Variants in A2ML1 observed in about 807,000 individuals in gnomAD.
A2ML1 encodes the protein alpha-2-macroglobulin like 1, also known as alpha-2-macroglobulin-like protein 1.
A neutral mutation model predicts 181.9 loss-of-function variants in A2ML1; 161 were observed. The ratio of observed to expected loss-of-function variants is 0.89; its 90% CI spans 0.78 to 1.01. The LOEUF is 1.01. Among genes scored for constraint, A2ML1 ranks in the 50% least tolerant of loss-of-function variants. The pLI, the probability that A2ML1 is intolerant of heterozygous loss-of-function variation, is 0.00. For missense variants in A2ML1, 1,670 were observed against 1,768.1 expected (o/e 0.94, Z 1.00); for synonymous variants, 663 against 666.8 (o/e 0.99, Z 0.09).
At chr12:8,828,915 CTG>C (rs1265849808) in intron 3 of A2ML1, among the ~76,000 whole-genome samples, 1 of 152,204 alleles carries the variant, frequency 6.6e-6, no homozygotes, top group Non-Finnish European at 1.5e-5. Flanking sequence ...GTGCTTTCCC[CTG>C]TGATTGGGCA....
chr12:8,861,170 G>A lies in A2ML1; in HGVS notation c.3375G>A (p.Lys1125=). 6.2e-7 allele frequency: 1 copy of A among 1,614,014 alleles called. No individual in the cohort carries two copies. Among genetic ancestry groups the A allele is most frequent in the Non-Finnish European group, 8.5e-7 (1 of 1,180,018 alleles). ...TGAGTCAGGGTCTACGGTGTCTCAA[G>A]AATTCGGCCACCTCCACGACCAACC... ...PMVSQGLRCL[K]NSATSTTNLY... The change falls in exon 28 of 36, where the codon AAG becomes AAA. Residue 1125 remains lysine, a synonymous_variant. Coordinates refer to ENST00000299698, the MANE Select transcript of A2ML1 (RefSeq NM_144670.6).
chr12:8,884,245 TG>T (rs200878954), intron 7 of A2ML1, among the ~76,000 whole-genome samples: 8,023 of 141,180 alleles, frequency 0.057, 346 homozygotes, highest in East Asian at 0.14. Context: ...TTTTTTGTTT[TG>T]TTTTTTTTTA....
In A2ML1 at chr12:8,839,213, C is replaced by G; in HGVS notation, c.1071C>G (p.Phe357Leu). The change falls in exon 10 of 36, where the codon TTC becomes TTG. Residue 357 changes from phenylalanine to leucine, a missense_variant. Coordinates refer to ENST00000299698, the MANE Select transcript of A2ML1 (RefSeq NM_144670.6). ...TSNFYHPNFP[F>L]SGKIRVRGHD... ...ATTTTTACCATCCAAATTTCCCCTT[C>G]AGTGGGAAGGTATGTTAAAACTTTT... 1 of 1,611,766 alleles carries G rather than the reference C, an allele frequency of 6.2e-7. No individual in the cohort carries two copies. The highest frequency in any genetic ancestry group is 8.5e-7 in the Non-Finnish European group (1 of 1,178,220).
chr12:8,885,377 A>G (rs1452432674), intron 7 of A2ML1, among the ~76,000 whole-genome samples: 1 of 152,146 alleles, frequency 6.6e-6, no homozygotes, highest in East Asian at 1.9e-4. Context: ...CAAAATCAAA[A>G]TAAAGAGAAA....
intron 12 of A2ML1, chr12:8,845,161 G>A (rs1242093262): frequency 8.0e-6 from 12 of 1,497,604 alleles, no homozygotes; most frequent in Non-Finnish European, 1.1e-5. Context: ...AGAAATGGCA[G>A]ACAGTTATCT....
At chr12:8,884,286 G>A (rs1456617140) in intron 7 of A2ML1, among the ~76,000 whole-genome samples, 1 of 79,428 alleles carries the variant, frequency 1.3e-5, no homozygotes, top group Non-Finnish European at 2.6e-5. Flanking sequence ...ACTTTTATTT[G>A]AGGTTTGGGG....
chr12:8,846,333 T>C (rs1943686302), intron 14 of A2ML1, 111 bp downstream of exon 14: 7 of 1,228,662 alleles, frequency 5.7e-6, no homozygotes, highest in Non-Finnish European at 8.2e-6. Flanking sequence ...GTGTTGACGT[T>C]GGATGTTGTA....
Position 8,849,604 on chromosome 12 carries a change from T to C in A2ML1, c.2029-65T>C. ...TTCAACTCTTTGATGGTGGAATTCC[T>C]GGGCAGTAGCCCTTGTAGTTGGGGA... On this transcript the variant is annotated intron_variant, in intron 16 of 35. Coordinates refer to ENST00000299698, the MANE Select transcript of A2ML1 (RefSeq NM_144670.6). The C allele has an allele frequency of 3.9e-6, 5 of 1,280,084 alleles. 1 individual carries two copies. Among genetic ancestry groups the C allele is most frequent in the Non-Finnish European group, 5.6e-6 (5 of 887,214 alleles). 79.3% of individuals were successfully genotyped at this position (1,280,084 alleles called of 1,614,324 possible). A position where few individuals can be genotyped will look rare whatever the true frequency, so the allele number is the denominator to read the frequency against.
chr12:8,874,720 G>GA (rs1263383971), intron 34 of A2ML1, among the ~76,000 whole-genome samples, 193 bp downstream of exon 34: 1 of 152,062 alleles, frequency 6.6e-6, no homozygotes, highest in East Asian at 1.9e-4. Flanking sequence ...GCGTACACTA[G>GA]AGACATTTTA....
rs1943892228 is a variant in A2ML1 at position 8,851,662 on chromosome 12, TCTCAAAGAGCTG to T, written c.2235-121_2235-110del. 3.4e-6 allele frequency: 3 copies of T among 892,246 alleles called. No individual in the cohort carries two copies. The Admixed American group carries it at 6.4e-5, about 19-fold the overall frequency. The allele number at this position is 892,246 out of a possible 1,614,324, so 55.3% of individuals were successfully genotyped here. On this transcript the variant is annotated intron_variant, in intron 18 of 35. Transcript: ENST00000299698. ...CTGAAGCTATCTGCTCACCTCAGCC[TCTCAAAGAGCTG>T]GGATTACAAGTGTAAGCCAGCACAC...
At position 8,854,145 on chromosome 12, in the gene A2ML1, A is replaced by G. The variant is rs1943981721; in HGVS notation, c.2608A>G (p.Ile870Val). 2.5e-6 allele frequency: 4 copies of G among 1,599,438 alleles called. No homozygotes were observed. Among genetic ancestry groups the G allele is most frequent in the African/African-American group, 1.3e-5 (1 of 74,732 alleles). Residue 870 changes from isoleucine (I) to valine (V), a missense_variant, in exon 21 of 36, where the codon ATT (isoleucine) becomes GTT (valine). By Grantham distance (29) the Ile-to-Val change is conservative. Coordinates refer to ENST00000299698, the MANE Select transcript of A2ML1 (RefSeq NM_144670.6). ...TCTCTCAGGTCACATTAACTTTACT[A>G]TTAGTACAAAGATTCTGGACAGCAA... ...AVKLGHINFT[I>V]STKILDSNEP... is the part of the protein sequence containing the mutation.
At chr12:8,854,747 T>G in intron 21 of A2ML1, 33 bp from the exon 22 acceptor site, 1 of 1,613,298 alleles carries the variant, frequency 6.2e-7, no homozygotes, top group Non-Finnish European at 8.5e-7. Flanking sequence ...TGTTCATCTT[T>G]GTTGTTTTTA....
downstream of A2ML1, among the ~76,000 whole-genome samples, chr12:8,877,796 A>G (rs1388748767): frequency 2.0e-5 from 3 of 152,244 alleles, no homozygotes; most frequent in African/African-American, 7.2e-5. Flanking sequence ...AAGAATTAAA[A>G]ATAGAATTAA....
rs7136954 is a variant in A2ML1 at position 8,867,610 on chromosome 12, G to A, written c.3718-232G>A. On this transcript the variant is annotated intron_variant, in intron 29 of 35. Coordinates refer to ENST00000299698, the MANE Select transcript of A2ML1 (RefSeq NM_144670.6). Reference sequence around the variant, plus strand: ...TGCAATGAGCTGAGATCGTGCCATTGCACTCCAGCCTGGGCAACAAAAGCA... The same window carrying A: ...TGCAATGAGCTGAGATCGTGCCATTACACTCCAGCCTGGGCAACAAAAGCA... Among the ~76,000 whole-genome samples the A allele has an allele frequency of 0.1, 15,553 of 151,622 alleles. 1,010 individuals carry two copies. Among genetic ancestry groups the A allele is most frequent in the African/African-American group, 0.17 (7,122 of 41,286 alleles).
chr12:8,871,735 T>C (rs1347636755), intron 33 of A2ML1, among the ~76,000 whole-genome samples: 2 of 152,170 alleles, frequency 1.3e-5, no homozygotes, highest in African/African-American at 2.4e-5. Context: ...AAATTTTCCT[T>C]ATATTAGTAC....
intron 33 of A2ML1, among the ~76,000 whole-genome samples, chr12:8,870,665 T>G (rs1395202728): frequency 6.6e-6 from 1 of 152,230 alleles, no homozygotes; most frequent in African/African-American, 2.4e-5. Flanking sequence ...AAGTTTATGA[T>G]GCTTTCATAC....
At position 8,847,544 on chromosome 12, in the gene A2ML1, C is replaced by T. The variant is rs923863444; in HGVS notation, c.1684-5C>T. 6.2e-7 allele frequency: 1 copy of T among 1,605,580 alleles called. No individual in the cohort carries two copies. ...ATCCCCAAGTTATACCTTTCCCTTC[C>T]CCAGGTTTCCCTTGGCTTCTCCCCC... On this transcript the variant is annotated splice_region_variant and splice_polypyrimidine_tract_variant and intron_variant, in intron 14 of 35. Transcript: ENST00000299698.
At chr12:8,854,979 C>T in intron 22 of A2ML1, 148 bp downstream of exon 22, 1 of 796,890 alleles carries the variant, frequency 1.3e-6, no homozygotes, top group African/African-American at 1.8e-5. Flanking sequence ...ATTGCAACCT[C>T]TGCCTCCCGG....
chr12:8,885,684 G>A (rs1944915167), intron 7 of A2ML1, among the ~76,000 whole-genome samples: 2 of 152,044 alleles, frequency 1.3e-5, no homozygotes, highest in Non-Finnish European at 2.9e-5. Flanking sequence ...GACTGGTCTC[G>A]AACTCCTGAG....
Sources: gnomAD v4.1 joint callset for allele counts (sites outside exome capture counted in the v4.1 genomes callset) on GRCh38, gnomAD v4.1.1 for gene constraint, MANE v1.5 for transcripts, NCBI Gene and HGNC (gene_info 2026-07-23, HGNC 2026-07-21) for gene names.